The following RXRA variants were observed in gnomAD, a reference collection of about 807,000 sequenced individuals.
RXRA encodes the protein retinoid X receptor alpha, also known as retinoic acid receptor RXR-alpha.
RXRA carries 5 observed loss-of-function variants against 44.5 expected under a neutral mutation model. The ratio of observed to expected loss-of-function variants is 0.11; its 90% confidence interval spans 0.06 to 0.24. The LOEUF (loss-of-function observed/expected upper bound fraction) is 0.24. RXRA is among the 10% of genes least tolerant of loss of function. The probability of loss-of-function intolerance (pLI) is 1.00; values close to 1 mark genes in which losing one functional copy is unlikely to be tolerated. For missense variants in RXRA, 412 were observed against 646.5 expected, an observed-to-expected ratio of 0.64 and a Z score of 3.93; for synonymous variants, 291 against 271.4, an observed-to-expected ratio of 1.07 and a Z score of -0.71.
chr9:134,378,978 C>T (rs909991007), intron 1 of RXRA, among the ~76,000 whole-genome samples: 3 of 152,232 alleles, frequency 2.0e-5, no homozygotes, highest in Non-Finnish European at 2.9e-5. Flanking sequence ...TGGGAACACA[C>T]GTCTCTTGCC....
intron 8 of RXRA, among the ~76,000 whole-genome samples, chr9:134,432,813 C>T (rs1588310936): frequency 2.0e-5 from 3 of 151,604 alleles, no homozygotes; most frequent in Non-Finnish European, 4.4e-5. Context: ...GTGAGAGGCA[C>T]GGAGGTGGGG....
chr9:134,346,174 C>T (rs572623549), intron 1 of RXRA, among the ~76,000 whole-genome samples: 3 of 152,288 alleles, frequency 2.0e-5, no homozygotes, highest in Admixed American at 6.5e-5. Flanking sequence ...GACCATGCCG[C>T]CCTCCTCTTT....
chr9:134,434,072 G>A, intron 8 of RXRA, 30 bp from the exon 9 acceptor site: 1 of 1,569,398 alleles, frequency 6.4e-7, no homozygotes, highest in Non-Finnish European at 8.8e-7. Flanking sequence ...CCCCAGCTGA[G>A]GGTTCTGACC....
At chr9:134,410,737 C>T (rs895457178) in intron 4 of RXRA, among the ~76,000 whole-genome samples, 5 of 152,146 alleles carry the variant, frequency 3.3e-5, no homozygotes, top group Non-Finnish European at 7.4e-5. Flanking sequence ...GCAGCCTTAG[C>T]CTGGCAGTCT....
intron 1 of RXRA, among the ~76,000 whole-genome samples, chr9:134,373,474 G>A (rs1356428008): frequency 6.6e-6 from 1 of 152,240 alleles, no homozygotes; most frequent in Non-Finnish European, 1.5e-5. Flanking sequence ...AGAATACTGC[G>A]GCCCAGAGAA....
At chr9:134,380,955 T>C (rs1830635676) in intron 1 of RXRA, among the ~76,000 whole-genome samples, 1 of 151,840 alleles carries the variant, frequency 6.6e-6, no homozygotes, top group Non-Finnish European at 1.5e-5. Context: ...GTTCAGGGGG[T>C]GCCCCTCACT....
Position 134,401,696 on chromosome 9 carries a change from C to G in RXRA, c.93C>G (p.Pro31=), listed in dbSNP as rs1830962373. 1 of 1,613,030 alleles carries G rather than the reference C, an allele frequency of 6.2e-7. No individual in the cohort carries two copies. Among genetic ancestry groups the G allele is most frequent in the Non-Finnish European group, 8.5e-7 (1 of 1,180,004 alleles). Residue 31 remains proline (P), a synonymous_variant, in exon 2 of 10, where the codon CCC becomes CCG. Coordinates refer to ENST00000481739, the MANE Select transcript of RXRA (RefSeq NM_002957.6). ...CGGGGCGAGGCTCCATGGCTGCCCCCTCGCTGCACCCGTCCCTGGGGCCTG... is the reference window on the plus strand; with the variant it reads ...CGGGGCGAGGCTCCATGGCTGCCCCGTCGCTGCACCCGTCCCTGGGGCCTG... ...SPTGRGSMAA[P]SLHPSLGPGI...
At chr9:134,429,057 G>A (rs761419138) in intron 6 of RXRA, 51 bp from the exon 7 acceptor site, 7 of 1,605,218 alleles carry the variant, frequency 4.4e-6, no homozygotes, top group African/African-American at 1.3e-5. Flanking sequence ...GGGAAGGGGC[G>A]AGCCCCGTGG....
Position 134,349,862 on chromosome 9 carries a change from C to T in RXRA, c.28+23203C>T, listed in dbSNP as rs1046080233. 6.6e-6 allele frequency among the ~76,000 whole-genome samples: 1 copy of T among 152,090 alleles called. No homozygotes were observed. Among genetic ancestry groups the T allele is most frequent in the South Asian group, 2.1e-4 (1 of 4,828 alleles). On this transcript the variant is annotated intron_variant, in intron 1 of 9. Transcript: ENST00000481739. This position sits in a 1 kb window ranked among gnomAD's most constrained non-coding sequence, Gnocchi z 4.3. ...CCGCAGGCTCTCCTGTGGTAGGAGT[C>T]GGGTGGACAGTTTGCACGATCTCAT...
intron 1 of RXRA, among the ~76,000 whole-genome samples, chr9:134,336,411 G>A (rs1335876187): frequency 2.0e-5 from 3 of 152,178 alleles, no homozygotes; most frequent in African/African-American, 7.2e-5. Context: ...CTCACAGCCC[G>A]GGTCTTCTCT....
chr9:134,328,696 C>T (rs1020695034), intron 1 of RXRA, among the ~76,000 whole-genome samples: 5 of 152,208 alleles, frequency 3.3e-5, no homozygotes, highest in African/African-American at 9.7e-5. Flanking sequence ...AATCCCTCCT[C>T]GGGGTGAGTG....
intron 1 of RXRA, among the ~76,000 whole-genome samples, chr9:134,363,268 C>T (rs892325742): frequency 1.3e-5 from 2 of 152,234 alleles, no homozygotes; most frequent in African/African-American, 2.4e-5. Context: ...TTGCTCTGTC[C>T]TCTCCCAGTC....
intron 1 of RXRA, among the ~76,000 whole-genome samples, chr9:134,363,814 C>T (rs566047645): frequency 4.6e-5 from 7 of 152,282 alleles, no homozygotes; most frequent in African/African-American, 1.2e-4. Context: ...ATGGGGATCC[C>T]GGGGCCGGAG....
chr9:134,347,658 C>T (rs1055417932), intron 1 of RXRA, among the ~76,000 whole-genome samples: 3 of 152,254 alleles, frequency 2.0e-5, no homozygotes, highest in South Asian at 2.1e-4. Flanking sequence ...GGGGATGCTG[C>T]GGGTGGGCTT....
At chr9:134,396,012 G>T (rs1311362985) in intron 1 of RXRA, among the ~76,000 whole-genome samples, 1 of 152,226 alleles carries the variant, frequency 6.6e-6, no homozygotes, top group Non-Finnish European at 1.5e-5. Flanking sequence ...GCGGGAAACA[G>T]ATGTGCAGCA....
chr9:134,383,747 G>A (rs544350972), intron 1 of RXRA, among the ~76,000 whole-genome samples: 2 of 152,270 alleles, frequency 1.3e-5, no homozygotes, highest in South Asian at 4.1e-4. Context: ...GACCTGGGCT[G>A]CATGAGGACG....
intron 4 of RXRA, among the ~76,000 whole-genome samples, chr9:134,414,846 G>T (rs1048531812): frequency 6.6e-6 from 1 of 152,350 alleles, no homozygotes; most frequent in East Asian, 1.9e-4. Flanking sequence ...GCTGCTCAGC[G>T]TGGGTGGGGT....
intron 6 of RXRA, chr9:134,423,280 A>T: frequency 2.0e-6 from 2 of 985,424 alleles, no homozygotes; most frequent in Non-Finnish European, 2.4e-6. Context: ...TCACTGTCCC[A>T]TGTCCCCCTG....
chr9:134,352,757 G>A (rs1392512965), intron 1 of RXRA, among the ~76,000 whole-genome samples: 2 of 152,184 alleles, frequency 1.3e-5, no homozygotes, highest in Non-Finnish European at 2.9e-5. Context: ...CACAGCTGAC[G>A]GCTCGCATGC....
Sources: allele counts gnomAD v4.1 joint callset (sites outside exome capture counted in the v4.1 genomes callset), GRCh38; gene constraint gnomAD v4.1.1; non-coding constraint Gnocchi (gnomAD v3.1); transcripts MANE v1.5; gene names NCBI Gene and HGNC (gene_info 2026-07-23, HGNC 2026-07-21).